PLGRKT: variants seen among roughly 807,000 people sequenced by gnomAD.
The protein encoded by PLGRKT is plasminogen receptor (KT).
A neutral mutation model predicts 18.5 loss-of-function variants in PLGRKT; 22 were observed. That is an observed-to-expected ratio of 1.19 (90% CI 0.85 to 1.70). The LOEUF (loss-of-function observed/expected upper bound fraction) is 1.70, where lower values mean the gene tolerates loss of function less well. Ranked by LOEUF, PLGRKT falls within the 40% of genes most tolerant of loss-of-function variation. The pLI is 0.00. For missense variants in PLGRKT, 235 were observed against 174.4 expected, an observed-to-expected ratio of 1.35 and a Z score of -1.96; for synonymous variants, 72 against 52.8, an observed-to-expected ratio of 1.36 and a Z score of -1.58.
intron 3 of PLGRKT, among the ~76,000 whole-genome samples, chr9:5,429,929 C>T (rs772512989): frequency 1.3e-5 from 2 of 152,216 alleles, no homozygotes; most frequent in Non-Finnish European, 1.5e-5. Flanking sequence ...CAGGACACAA[C>T]AACTACGAGG....
At chr9:5,431,390 C>T (rs1818819701) in intron 3 of PLGRKT, among the ~76,000 whole-genome samples, 2 of 151,872 alleles carry the variant, frequency 1.3e-5, no homozygotes. Flanking sequence ...AAAAATTAGC[C>T]GGGAGTGGTG....
At chr9:5,389,190 C>G (rs74946843) in intron 3 of PLGRKT, among the ~76,000 whole-genome samples, 1 of 151,822 alleles carries the variant, frequency 6.6e-6, no homozygotes. Context: ...TACTTAGAAG[C>G]AGGAAGAAAA....
At chr9:5,359,085 C>T (rs1476453692) in intron 5 of PLGRKT, among the ~76,000 whole-genome samples, 1 of 147,216 alleles carries the variant, frequency 6.8e-6, no homozygotes, top group Non-Finnish European at 1.5e-5. Context: ...TTTTTTGAGA[C>T]AGTGTCTAGC....
intron 3 of PLGRKT, among the ~76,000 whole-genome samples, chr9:5,431,659 T>A (rs1370209565): frequency 6.6e-6 from 1 of 151,124 alleles, no homozygotes; most frequent in African/African-American, 2.4e-5. Flanking sequence ...ATGTACCACA[T>A]ACTCTAAGCA....
At chr9:5,430,335 A>G (rs1293302556) in intron 3 of PLGRKT, among the ~76,000 whole-genome samples, 2 of 152,234 alleles carry the variant, frequency 1.3e-5, no homozygotes, top group African/African-American at 4.8e-5. Flanking sequence ...CGTGCTAAGC[A>G]TCGGATAGCT....
chr9:5,405,348 C>T (rs760188521), intron 3 of PLGRKT, among the ~76,000 whole-genome samples: 5 of 152,182 alleles, frequency 3.3e-5, no homozygotes, highest in Admixed American at 6.5e-5. Context: ...TGCTACCTGA[C>T]TTCAAACTAT....
intron 3 of PLGRKT, among the ~76,000 whole-genome samples, chr9:5,387,269 GA>G (rs1817862013): frequency 6.6e-6 from 1 of 151,876 alleles, no homozygotes; most frequent in African/African-American, 2.4e-5. Context: ...TTTGGATCAG[GA>G]AATGTAATTT....
chr9:5,361,436 G>A (rs1457211354), intron 4 of PLGRKT, among the ~76,000 whole-genome samples: 1 of 152,086 alleles, frequency 6.6e-6, no homozygotes, highest in Non-Finnish European at 1.5e-5. Context: ...CAGGTTCCTT[G>A]TTTTTAAAAT....
At chr9:5,403,297 C>T (rs1818192238) in intron 3 of PLGRKT, among the ~76,000 whole-genome samples, 1 of 149,516 alleles carries the variant, frequency 6.7e-6, no homozygotes, top group Admixed American at 6.7e-5. Context: ...GATCTCCGCT[C>T]ACTGCAACCT....
intron 3 of PLGRKT, among the ~76,000 whole-genome samples, chr9:5,429,067 C>G (rs1215944992): frequency 1.3e-5 from 2 of 152,116 alleles, no homozygotes; most frequent in African/African-American, 4.8e-5. Flanking sequence ...AAGCAAACTT[C>G]ACAATGAGTA....
At chr9:5,395,114 A>G (rs559175592) in intron 3 of PLGRKT, among the ~76,000 whole-genome samples, 2 of 152,024 alleles carry the variant, frequency 1.3e-5, no homozygotes, top group African/African-American at 4.8e-5. Context: ...GCAAAAAAAA[A>G]AAAACTTAAT....
chr9:5,419,043 G>A (rs533984886), intron 3 of PLGRKT: 36 of 417,210 alleles, frequency 8.6e-5, no homozygotes, highest in African/African-American at 4.3e-4. Context: ...AGAGGCCGCC[G>A]CTCTGCGTCT....
chr9:5,395,436 G>T (rs887829918), intron 3 of PLGRKT, among the ~76,000 whole-genome samples: 1 of 151,932 alleles, frequency 6.6e-6, no homozygotes, highest in Non-Finnish European at 1.5e-5. Context: ...TGAAGTCACT[G>T]AAATCCTGGA....
intron 3 of PLGRKT, among the ~76,000 whole-genome samples, chr9:5,368,178 T>C (rs1185487573): frequency 6.6e-6 from 1 of 152,122 alleles, no homozygotes; most frequent in Non-Finnish European, 1.5e-5. Flanking sequence ...TTTAGAGATT[T>C]CTCAAAGAAC....
chr9:5,417,259 C>T (rs1423549487), intron 3 of PLGRKT, among the ~76,000 whole-genome samples: 8 of 152,180 alleles, frequency 5.3e-5, no homozygotes, highest in Non-Finnish European at 1.2e-4. Flanking sequence ...CTAATATTTA[C>T]TGTACAGTGT....
intron 3 of PLGRKT, among the ~76,000 whole-genome samples, chr9:5,396,305 A>C (rs2131119432): frequency 6.6e-6 from 1 of 151,890 alleles, no homozygotes. Flanking sequence ...TTATTTTTTG[A>C]GACAGGGTGT....
intron 4 of PLGRKT, 108 bp from the exon 5 acceptor site, chr9:5,361,295 C>T: frequency 1.6e-6 from 1 of 626,952 alleles, no homozygotes; most frequent in Non-Finnish European, 2.8e-6. Flanking sequence ...ATGCCTTTTC[C>T]TTCAGAAGTT....
intron 3 of PLGRKT, among the ~76,000 whole-genome samples, chr9:5,424,006 T>G (rs932705717): frequency 7.2e-6 from 1 of 138,684 alleles, no homozygotes; most frequent in African/African-American, 2.7e-5. Context: ...TATGTATTTA[T>G]TTCATCTATT....
At chr9:5,419,899 T>C (rs556366196) in intron 3 of PLGRKT, among the ~76,000 whole-genome samples, 2 of 152,290 alleles carry the variant, frequency 1.3e-5, no homozygotes, top group Non-Finnish European at 1.5e-5. Flanking sequence ...GGAAAACAAC[T>C]GTTCAAACAA....
Sources: gnomAD v4.1 joint callset for allele counts (sites outside exome capture counted in the v4.1 genomes callset) on GRCh38, gnomAD v4.1.1 for gene constraint, MANE v1.5 for transcripts, NCBI Gene and HGNC (gene_info 2026-07-23, HGNC 2026-07-21) for gene names.